RUNX2: variants seen among roughly 807,000 people sequenced by gnomAD.
RUNX2 encodes the protein RUNX family transcription factor 2, also known as runt-related transcription factor 2.
Under a neutral mutation model 51.7 loss-of-function variants are expected in RUNX2, and 10 were observed. That is an observed-to-expected ratio of 0.19 (90% CI 0.12 to 0.33). The LOEUF (loss-of-function observed/expected upper bound fraction) is 0.33, where lower values mean the gene tolerates loss of function less well. RUNX2 is among the 10% of genes least tolerant of loss of function. The pLI is 1.00. For synonymous variants in RUNX2, 276 were observed against 273.6 expected, an observed-to-expected ratio of 1.01 and a Z score of -0.09; for missense variants, 562 against 691.3, an observed-to-expected ratio of 0.81 and a Z score of 2.10.
At chr6:45,468,935 C>T (rs1799717890) in intron 5 of RUNX2, among the ~76,000 whole-genome samples, 1 of 152,238 alleles carries the variant, frequency 6.6e-6, no homozygotes, top group Non-Finnish European at 1.5e-5. Flanking sequence ...AAACTGCTCT[C>T]ACTGTTGGTG....
intron 3 of RUNX2, among the ~76,000 whole-genome samples, chr6:45,424,491 C>T (rs1798330734): frequency 6.6e-6 from 1 of 152,070 alleles, no homozygotes; most frequent in African/African-American, 2.4e-5. Context: ...CCTGGGTCCC[C>T]TGGGTTCTGA....
intron 2 of RUNX2, among the ~76,000 whole-genome samples, chr6:45,361,164 G>A (rs1021138458): frequency 4.6e-5 from 7 of 152,032 alleles, no homozygotes; most frequent in Non-Finnish European, 7.4e-5. Flanking sequence ...TTTTTAAAAT[G>A]TATTTTATTA....
At chr6:45,528,165 T>G (rs1021961189) in intron 7 of RUNX2, among the ~76,000 whole-genome samples, 4 of 152,100 alleles carry the variant, frequency 2.6e-5, no homozygotes, top group African/African-American at 9.7e-5. Flanking sequence ...ATGATTCAGT[T>G]ACCTCCCACC....
chr6:45,444,999 G>A (rs764197609), intron 5 of RUNX2, among the ~76,000 whole-genome samples: 148 of 152,246 alleles, frequency 9.7e-4, no homozygotes, highest in Non-Finnish European at 1.8e-3. Flanking sequence ...CATGACTTTT[G>A]CTTATTTACC....
Position 45,517,380 on chromosome 6 carries a change from T to G in RUNX2, c.1021+4973T>G, listed in dbSNP as rs1014232479. On this transcript the variant is annotated intron_variant, in intron 7 of 8. Transcript: ENST00000647337. ...TCATAGGGACAGGATCTCACTATGT[T>G]GCCTGGGCTGGTCTCGAACTCCTGG... Among the ~76,000 whole-genome samples, 3 of 152,098 alleles carry G rather than the reference T, an allele frequency of 2.0e-5. No homozygotes were observed. The South Asian group carries it at 6.2e-4, about 32-fold the overall frequency.
intron 5 of RUNX2, among the ~76,000 whole-genome samples, chr6:45,472,957 G>GA (rs1799848402): frequency 6.6e-6 from 1 of 152,170 alleles, no homozygotes; most frequent in African/African-American, 2.4e-5. Context: ...CTGAAAGGGA[G>GA]AACCAGTTCA....
At chr6:45,378,767 A>G (rs1314984060) in intron 2 of RUNX2, among the ~76,000 whole-genome samples, 1 of 151,836 alleles carries the variant, frequency 6.6e-6, no homozygotes, top group Non-Finnish European at 1.5e-5. Flanking sequence ...GCCACATTTA[A>G]TTGATATAGA....
At chr6:45,503,405 A>G (rs1207113733) in intron 6 of RUNX2, among the ~76,000 whole-genome samples, 1 of 152,196 alleles carries the variant, frequency 6.6e-6, no homozygotes, top group Non-Finnish European at 1.5e-5. Flanking sequence ...ATAATCATCC[A>G]TGTGACATCA....
At chr6:45,394,962 G>A (rs533460314) in intron 2 of RUNX2, among the ~76,000 whole-genome samples, 12 of 152,082 alleles carry the variant, frequency 7.9e-5, no homozygotes, top group Non-Finnish European at 1.3e-4. Flanking sequence ...GTGTGTGTGG[G>A]GGGGAGGCAA....
intron 2 of RUNX2, among the ~76,000 whole-genome samples, chr6:45,353,363 G>A (rs555565441): frequency 7.2e-5 from 11 of 151,972 alleles, no homozygotes; most frequent in African/African-American, 1.7e-4. Flanking sequence ...AAAGTTATGC[G>A]GATGGACTTG....
intron 7 of RUNX2, among the ~76,000 whole-genome samples, chr6:45,543,484 C>T (rs973732022): frequency 3.3e-5 from 5 of 152,150 alleles, no homozygotes; most frequent in Non-Finnish European, 7.4e-5. Flanking sequence ...TTTAAACTGG[C>T]TCTTGGGAGC....
chr6:45,369,186 C>G (rs149457338), intron 2 of RUNX2, among the ~76,000 whole-genome samples: 51 of 152,136 alleles, frequency 3.4e-4, no homozygotes, highest in African/African-American at 1.2e-3. Context: ...CCCCAGCCTC[C>G]TTTTCTACCA....
chr6:45,448,285 A>G (rs1456564981), intron 5 of RUNX2, among the ~76,000 whole-genome samples: 1 of 152,166 alleles, frequency 6.6e-6, no homozygotes, highest in Non-Finnish European at 1.5e-5. Flanking sequence ...CCACCATTAC[A>G]CTTGCTCTGC....
intron 2 of RUNX2, among the ~76,000 whole-genome samples, chr6:45,406,266 T>C (rs1246714203): frequency 6.6e-6 from 1 of 152,186 alleles, no homozygotes; most frequent in South Asian, 2.1e-4. Flanking sequence ...TCCCTCTGTC[T>C]GGACGACTAC....
intron 2 of RUNX2, among the ~76,000 whole-genome samples, chr6:45,413,816 C>A (rs746791379): frequency 9.2e-5 from 14 of 152,078 alleles, no homozygotes; most frequent in Admixed American, 1.3e-4. Flanking sequence ...TAAAGATGCT[C>A]GTAATGAAGC....
Position 45,490,824 on chromosome 6 carries a change from A to G in RUNX2, c.686-1117A>G, listed in dbSNP as rs527463475. On this transcript the variant is annotated intron_variant, in intron 5 of 8. Transcript: ENST00000647337. ...TCCTCGAATCAGCTTCAGTTACTTA[A>G]TAGTCATACTAAAATGTTAGGGCAG... is the stretch of plus-strand genomic sequence containing the variant. Among the ~76,000 whole-genome samples, 6 of 152,210 alleles carry G rather than the reference A, an allele frequency of 3.9e-5. No homozygotes were observed. The East Asian group carries it at 7.7e-4, about 20-fold the overall frequency.
At chr6:45,485,608 G>A (rs9463090) in intron 5 of RUNX2, among the ~76,000 whole-genome samples, 24,428 of 149,718 alleles carry the variant, frequency 0.16, 2,228 homozygotes, top group Middle Eastern at 0.23. Flanking sequence ...AATGGTGTGC[G>A]TCTGTTTAGA....
At position 45,549,092 on chromosome 6, in the gene RUNX2, T is replaced by A. The variant is rs1294359434; in HGVS notation, c.*1787T>A. On this transcript the variant is annotated 3_prime_UTR_variant, in exon 9 of 9. Transcript: ENST00000647337. The stretch of plus-strand genomic sequence containing the variant: ...GTGTATGAATTTGAGCTAGAGTCCT[T>A]CTGTGGCATGCACTTTGACCACTCC... 2.5e-6 allele frequency: 1 copy of A among 398,418 alleles called. No individual in the cohort carries two copies. The highest frequency in any genetic ancestry group is 2.1e-5 in the African/African-American group (1 of 48,602). The allele number at this position is 398,418 out of a possible 1,614,324, so 24.7% of individuals were successfully genotyped here.
chr6:45,347,102 G>A (rs1011791750), intron 2 of RUNX2, among the ~76,000 whole-genome samples: 2 of 152,114 alleles, frequency 1.3e-5, no homozygotes, highest in African/African-American at 4.8e-5. Flanking sequence ...ACAAATATGT[G>A]TGAGTTTACT....
Sources: gnomAD v4.1 joint callset for allele counts (sites outside exome capture counted in the v4.1 genomes callset) on GRCh38, gnomAD v4.1.1 for gene constraint, MANE v1.5 for transcripts, NCBI Gene and HGNC (gene_info 2026-07-23, HGNC 2026-07-21) for gene names.